VGF: variants seen among roughly 807,000 people sequenced by gnomAD.
VGF encodes neurosecretory protein VGF.
In VGF, 13 loss-of-function variants were observed where a neutral mutation model predicts 41.1. The ratio of observed to expected loss-of-function variants is 0.32; its 90% CI spans 0.21 to 0.50. VGF has a LOEUF of 0.50. Among genes scored for constraint, VGF ranks in the 20% least tolerant of loss-of-function variants. The probability of loss-of-function intolerance (pLI) is 0.98; values close to 1 mark genes in which losing one functional copy is unlikely to be tolerated. For synonymous variants in VGF, 473 were observed against 418.3 expected (o/e 1.13, Z -1.60); for missense variants, 920 against 882.1 (o/e 1.04, Z -0.54).
At chr7:101,169,165 C>T (rs1308634933), upstream of VGF, among the ~76,000 whole-genome samples, 1 of 151,902 alleles carries the variant, frequency 6.6e-6, no homozygotes, top group East Asian at 1.9e-4. Flanking sequence ...AGACCCCCAC[C>T]CACTCCTGAG....
rs1163690976 is a variant in VGF at position 101,165,541 on chromosome 7, C to T, written c.-188G>A. The T allele has an allele frequency of 3.0e-6, 3 of 985,300 alleles. No individual in the cohort carries two copies. Among genetic ancestry groups the T allele is most frequent in the African/African-American group, 1.7e-5 (1 of 57,240 alleles). 61.0% of individuals were successfully genotyped at this position (985,300 alleles called of 1,614,324 possible). A position where few individuals can be genotyped will look rare whatever the true frequency, so the allele number is the denominator to read the frequency against. On this transcript the variant is annotated 5_prime_UTR_variant, in exon 1 of 2. Transcript: ENST00000249330. The stretch of plus-strand genomic sequence containing the variant: ...TCAGCTGGGTCGGCGCGGCTCCGGG[C>T]GGCTAGCTCGCTCCGGCTTCAGCAC...
In VGF at chr7:101,163,292, C is replaced by T. The variant is rs1352726031; in HGVS notation, c.1552G>A (p.Asp518Asn). Residue 518 changes from aspartate (D) to asparagine (N), a missense_variant, in exon 2 of 2, where the codon GAC (aspartate) becomes AAC (asparagine). This residue lies in a region of VGF where 257 missense variants were observed against 217.2 expected (regional missense o/e 1.18). Coordinates refer to ENST00000249330, the MANE Select transcript of VGF (RefSeq NM_003378.4). The surrounding 1 kb of genome is among the most constrained non-coding windows in gnomAD (Gnocchi z 5.0). ...PPPPAPAPAR[D>N]ELPDWNEVLP... The stretch of plus-strand genomic sequence containing the variant: ...ACCTCGTTCCAGTCCGGCAGCTCGT[C>T]TCGTGCGGGAGCGGGGGCGGGGGGC... 1 of 1,351,054 alleles carries T rather than the reference C, an allele frequency of 7.4e-7. No homozygotes were observed. The highest frequency in any genetic ancestry group is 2.7e-5 in the Admixed American group (1 of 37,270). 83.7% of individuals were successfully genotyped at this position (1,351,054 alleles called of 1,614,324 possible).
rs751040312 is a variant in VGF, at chr7:101,163,125, C to T, written c.1719G>A (p.Ser573=). Reference sequence around the variant, plus strand: ...GGGCCTCCCGGCCGGGATAGTGGCGCGAAGGCGGCAAGGCGTGGTGGTAGT... The same window carrying T: ...GGGCCTCCCGGCCGGGATAGTGGCGTGAAGGCGGCAAGGCGTGGTGGTAGT... ...RRHYHHALPP[S]RHYPGREAQA... is the part of the protein sequence containing the mutation. The change falls in exon 2 of 2, where the codon TCG becomes TCA. Residue 573 remains serine, a synonymous_variant. Transcript: ENST00000249330. This position sits in a 1 kb window ranked among gnomAD's most constrained non-coding sequence, Gnocchi z 5.0. 1.3e-6 allele frequency: 2 copies of T among 1,585,756 alleles called. No homozygotes were observed. Among genetic ancestry groups the T allele is most frequent in the Non-Finnish European group, 1.7e-6 (2 of 1,169,260 alleles).
In VGF at chr7:101,164,689, T is replaced by C; in HGVS notation, c.155A>G (p.Lys52Arg). The change falls in exon 2 of 2, where the codon AAG (lysine) becomes AGG (arginine). Residue 52 changes from lysine (K) to arginine (R), a missense_variant. By Grantham distance (26) the Lys-to-Arg change is conservative (BLOSUM62 2). Coordinates refer to ENST00000249330, the MANE Select transcript of VGF (RefSeq NM_003378.4). ...PVAGDAVPGP[K>R]DGSAPEVRGA... Reference sequence around the variant, plus strand: ...TCGGACCTCTGGGGCGCTGCCATCCTTTGGCCCGGGCACTGCGTCCCCGGC... The same window carrying C: ...TCGGACCTCTGGGGCGCTGCCATCCCTTGGCCCGGGCACTGCGTCCCCGGC... The C allele has an allele frequency of 1.2e-6, 2 of 1,603,108 alleles. No individual in the cohort carries two copies. Among genetic ancestry groups the C allele is most frequent in the Non-Finnish European group, 8.5e-7 (1 of 1,175,292 alleles).
chr7:101,164,579 C>T lies in VGF; in HGVS notation c.265G>A (p.Ala89Thr), dbSNP rs899495407. The change falls in exon 2 of 2, where the codon GCA (alanine) becomes ACA (threonine). Residue 89 changes from alanine (A) to threonine (T), a missense_variant. Physicochemically the swap from Ala to Thr is moderately conservative, Grantham distance 58. Coordinates refer to ENST00000249330, the MANE Select transcript of VGF (RefSeq NM_003378.4). Reference protein sequence around the residue: ...PRALAAVLLQALDRPASPPAP... With the variant: ...PRALAAVLLQTLDRPASPPAP... The stretch of plus-strand genomic sequence containing the variant: ...GGGGGTGAGGCGGGACGGTCGAGTG[C>T]CTGCAGCAGCACCGCGGCCAGCGCC... 5 of 1,600,398 alleles carry T rather than the reference C, an allele frequency of 3.1e-6. No homozygotes were observed. The African/African-American group carries it at 6.7e-5, about 21-fold the overall frequency.
upstream of VGF, among the ~76,000 whole-genome samples, chr7:101,166,576 T>C (rs1315585485): frequency 6.8e-6 from 1 of 147,070 alleles, no homozygotes; most frequent in Non-Finnish European, 1.5e-5. Flanking sequence ...TTGAACGCGA[T>C]GGGAGGGGGA....
chr7:101,162,545 C>A lies in VGF; in HGVS notation c.*451G>T. 3.9e-6 allele frequency: 1 copy of A among 258,400 alleles called. No homozygotes were observed. The highest frequency in any genetic ancestry group is 7.8e-6 in the Non-Finnish European group (1 of 128,706). 16.0% of individuals were successfully genotyped at this position (258,400 alleles called of 1,614,324 possible). On this transcript the variant is annotated 3_prime_UTR_variant, in exon 2 of 2. Coordinates refer to ENST00000249330, the MANE Select transcript of VGF (RefSeq NM_003378.4). The surrounding 1 kb of genome is among the most constrained non-coding windows in gnomAD (Gnocchi z 4.2). ...TAGTCACTTTTATTTCTTAGCAAAA[C>A]TATTTCCTCCGTGAGGGGTATTTAC... is the stretch of plus-strand genomic sequence containing the variant.
upstream of VGF, among the ~76,000 whole-genome samples, chr7:101,167,200 T>C (rs1355035944): frequency 6.6e-6 from 1 of 151,924 alleles, no homozygotes; most frequent in Non-Finnish European, 1.5e-5. The surrounding 1 kb of genome is among the most constrained non-coding windows in gnomAD (Gnocchi z 4.2). Context: ...GTGGCTCGAC[T>C]TTCCCAGAAG....
chr7:101,164,814 G>T lies in VGF; in HGVS notation c.30C>A (p.Ala10=). 1 of 1,569,970 alleles carries T rather than the reference G, an allele frequency of 6.4e-7. No individual in the cohort carries two copies. Among genetic ancestry groups the T allele is most frequent in the Non-Finnish European group, 8.7e-7 (1 of 1,154,042 alleles). The part of the protein sequence containing the change: MKALRLSAS[A]LFCLLLINGL... ...CGTTGATCAGCAGAAGGCAGAAGAG[G>T]GCGGAAGCCGACAATCTGAGGGCTT... is the stretch of plus-strand genomic sequence containing the variant. Residue 10 remains alanine (A), a synonymous_variant, in exon 2 of 2, where the codon GCC becomes GCA. Coordinates refer to ENST00000249330, the MANE Select transcript of VGF (RefSeq NM_003378.4).
chr7:101,163,315 G>A lies in VGF; in HGVS notation c.1529C>T (p.Pro510Leu). The A allele has an allele frequency of 7.0e-7, 1 of 1,436,722 alleles. No homozygotes were observed. The highest frequency in any genetic ancestry group is 9.1e-7 in the Non-Finnish European group (1 of 1,098,906). 89.0% of individuals were successfully genotyped at this position (1,436,722 alleles called of 1,614,324 possible). ...PTHVRSPQPP[P>L]PAPAPARDEL... is the part of the protein sequence containing the mutation. ...GTCTCGTGCGGGAGCGGGGGCGGGG[G>A]GCGGGGGCTGCGGGGAGCGGACGTG... The change falls in exon 2 of 2, where the codon CCC (proline) becomes CTC (leucine). Residue 510 changes from proline to leucine, a missense_variant. Around this residue, in one of 3 missense-constraint regions of VGF, gnomAD observed 257 missense variants for 217.2 expected, o/e 1.18. Transcript: ENST00000249330. The surrounding 1 kb of genome is among the most constrained non-coding windows in gnomAD (Gnocchi z 5.0).
At position 101,163,827 on chromosome 7, in the gene VGF, G is replaced by A; in HGVS notation, c.1017C>T (p.Gly339=). Residue 339 remains glycine, a synonymous_variant, in exon 2 of 2, where the codon GGC becomes GGT. Coordinates refer to ENST00000249330, the MANE Select transcript of VGF (RefSeq NM_003378.4). This position sits in a 1 kb window ranked among gnomAD's most constrained non-coding sequence, Gnocchi z 5.0. ...CCCCGAGGCCGCGCTGCCGGGCCCC[G>A]CCCTGCAGCAAATACTGGAGCAGCA... is the stretch of plus-strand genomic sequence containing the variant. The part of the protein sequence containing the change: ...SDLLLQYLLQ[G]GARQRGLGGR... The A allele has an allele frequency of 6.5e-7, 1 of 1,530,050 alleles. No homozygotes were observed. The highest frequency in any genetic ancestry group is 8.7e-7 in the Non-Finnish European group (1 of 1,144,026). 94.8% of individuals were successfully genotyped at this position (1,530,050 alleles called of 1,614,324 possible).
At position 101,164,726 on chromosome 7, in the gene VGF, T is replaced by C. The variant is rs1002621254; in HGVS notation, c.118A>G (p.Lys40Glu). 10 of 1,611,288 alleles carry C rather than the reference T, an allele frequency of 6.2e-6. No homozygotes were observed. Among genetic ancestry groups the C allele is most frequent in the Admixed American group, 3.4e-5 (2 of 59,694 alleles). ...ACTGCGTCCCCGGCTACCGGCTCTTTATGCTCAGAGCTGAGAGGAGGAGGC... is the reference window on the plus strand; with the variant it reads ...ACTGCGTCCCCGGCTACCGGCTCTTCATGCTCAGAGCTGAGAGGAGGAGGC... Reference protein sequence around the residue: ...AQPPPLSSEHKEPVAGDAVPG... With the variant: ...AQPPPLSSEHEEPVAGDAVPG... The change falls in exon 2 of 2, where the codon AAA (lysine) becomes GAA (glutamate). Residue 40 changes from lysine to glutamate, a missense_variant. By Grantham distance (56) the Lys-to-Glu change is moderately conservative. This residue lies in a region of VGF where 654 missense variants were observed against 638.4 expected (regional missense o/e 1.02). Transcript: ENST00000249330.
At chr7:101,167,363 T>C (rs1375291264), upstream of VGF, among the ~76,000 whole-genome samples, 1 of 149,576 alleles carries the variant, frequency 6.7e-6, no homozygotes, top group Non-Finnish European at 1.5e-5. The surrounding 1 kb of genome is among the most constrained non-coding windows in gnomAD (Gnocchi z 4.2). Context: ...AGAACCAAGG[T>C]GACAGTGGAG....
chr7:101,164,939 A>C, intron 1 of VGF, 76 bp from the exon 2 acceptor site: 2 of 1,421,036 alleles, frequency 1.4e-6, no homozygotes, highest in Non-Finnish European at 1.8e-6. Flanking sequence ...CCCTTCCCCC[A>C]CCTTTCAGCA....
At chr7:101,168,014 TTTTTG>T (rs2116714929), upstream of VGF, among the ~76,000 whole-genome samples, 4 of 98,744 alleles carry the variant, frequency 4.1e-5, no homozygotes, top group East Asian at 5.9e-4. Flanking sequence ...GGGTTGTTTT[TTTTTG>T]TTTTTTTTTT....
At position 101,164,499 on chromosome 7, in the gene VGF, C is replaced by T. The variant is rs1391360295; in HGVS notation, c.345G>A (p.Leu115=). 3 of 1,600,938 alleles carry T rather than the reference C, an allele frequency of 1.9e-6. No individual in the cohort carries two copies. Among genetic ancestry groups the T allele is most frequent in the Admixed American group, 1.7e-5 (1 of 59,850 alleles). Residue 115 remains leucine (L), a synonymous_variant, in exon 2 of 2, where the codon CTG becomes CTA. Coordinates refer to ENST00000249330, the MANE Select transcript of VGF (RefSeq NM_003378.4). ...GGGTCTGGCTGCGCACGGTCTCGGT[C>T]AGCAGAGCTTCAGCTGCTTCTTCCT... ...GPEEEAAEAL[L]TETVRSQTHS...
chr7:101,164,328 A>G lies in VGF; in HGVS notation c.516T>C (p.Ser172=), dbSNP rs1024609554. 3.1e-6 allele frequency: 5 copies of G among 1,611,478 alleles called. No individual in the cohort carries two copies. The highest frequency in any genetic ancestry group is 1.7e-5 in the Admixed American group (1 of 60,034). The change falls in exon 2 of 2, where the codon AGT becomes AGC. Residue 172 remains serine (S), a synonymous_variant. Transcript: ENST00000249330. ...CCGTCTCCTGCTGGCGCTTGGCGCT[A>G]CTTGGACTGAAATCTCGCAGTTCCT... ...LLQELRDFSP[S]SAKRQQETAA...
Position 101,164,259 on chromosome 7 carries a change from C to G in VGF, c.585G>C (p.Val195=), listed in dbSNP as rs1427734700. 1.3e-6 allele frequency: 2 copies of G among 1,599,164 alleles called. No individual in the cohort carries two copies. Among genetic ancestry groups the G allele is most frequent in the African/African-American group, 2.7e-5 (2 of 74,776 alleles). The change falls in exon 2 of 2, where the codon GTG becomes GTC. Residue 195 remains valine (V), a synonymous_variant. Transcript: ENST00000249330. ...TETRTHTLTR[V]NLESPGPERV... ...GCTCTGGCCCCGGGCTCTCCAGATT[C>G]ACTCGGGTCAGCGTGTGCGTGCGGG...
At position 101,162,934 on chromosome 7, in the gene VGF, G is replaced by C. The variant is rs1797131232; in HGVS notation, c.*62C>G. On this transcript the variant is annotated 3_prime_UTR_variant, in exon 2 of 2. Transcript: ENST00000249330. This position sits in a 1 kb window ranked among gnomAD's most constrained non-coding sequence, Gnocchi z 4.2. Reference sequence around the variant, plus strand: ...AACACCGAGGGGGAGCGGGCAACACGGAGGGGGGCGCCGGCGCGCGCGCGC... The same window carrying C: ...AACACCGAGGGGGAGCGGGCAACACCGAGGGGGGCGCCGGCGCGCGCGCGC... 2 of 812,468 alleles carry C rather than the reference G, an allele frequency of 2.5e-6. No homozygotes were observed. Among genetic ancestry groups the C allele is most frequent in the Non-Finnish European group, 3.4e-6 (2 of 584,494 alleles). The allele number at this position is 812,468 out of a possible 1,614,324, so 50.3% of individuals were successfully genotyped here.
Sources: gnomAD v4.1 joint callset for allele counts (sites outside exome capture counted in the v4.1 genomes callset) on GRCh38, gnomAD v4.1.1 for gene constraint, gnomAD v4.1.1 regional missense constraint, Gnocchi (gnomAD v3.1) non-coding constraint, MANE v1.5 for transcripts, NCBI Gene and HGNC (gene_info 2026-07-23, HGNC 2026-07-21) for gene names.